The following PCDHA5 variants were observed in gnomAD, a reference collection of about 807,000 sequenced individuals.
The protein encoded by PCDHA5 is protocadherin alpha-5.
Under a neutral mutation model 61.6 loss-of-function variants are expected in PCDHA5, and 43 were observed. The observed-to-expected ratio is 0.70, with a 90% CI of 0.55 to 0.90. PCDHA5 has a LOEUF of 0.90. Among genes scored for constraint, PCDHA5 ranks in the 40% least tolerant of loss-of-function variants. PCDHA5 has a pLI of 0.00. For missense variants in PCDHA5, 1,298 were observed against 1,222.7 expected (o/e 1.06, Z -0.92); for synonymous variants, 627 against 543.9 (o/e 1.15, Z -2.13).
At chr5:140,884,310 GGGCGTC>G (rs1301213144) in intron 1 of PCDHA5, 7 of 1,613,674 alleles carry the variant, frequency 4.3e-6, no homozygotes, top group Non-Finnish European at 5.9e-6. Flanking sequence ...GCTTCGTCGA[GGGCGTC>G]GGCAGGCGCT....
At chr5:140,883,758 G>T in intron 1 of PCDHA5, 1 of 1,612,920 alleles carries the variant, frequency 6.2e-7, no homozygotes, top group Non-Finnish European at 8.5e-7. Flanking sequence ...CTGGTGGAGC[G>T]GCGGGTGGGC....
Position 140,918,319 on chromosome 5 carries a change from A to T in PCDHA5, c.2353-60630A>T, listed in dbSNP as rs568659309. Among the ~76,000 whole-genome samples, 8 of 152,266 alleles carry T rather than the reference A, an allele frequency of 5.3e-5. No individual in the cohort carries two copies. In the South Asian group the frequency reaches 1.7e-3, roughly 32 times the overall value. ...GAATATAGGGTTTTCTAGGTATAAAATTATATTGTCTGCTAAGAGAGATAG... is the reference window on the plus strand; with the variant it reads ...GAATATAGGGTTTTCTAGGTATAAATTTATATTGTCTGCTAAGAGAGATAG... On this transcript the variant is annotated intron_variant, in intron 1 of 3. Coordinates refer to ENST00000529859, the MANE Select transcript of PCDHA5 (RefSeq NM_018908.3).
chr5:140,829,961 G>A (rs1770713142), intron 1 of PCDHA5: 5 of 1,613,876 alleles, frequency 3.1e-6, no homozygotes, highest in African/African-American at 2.7e-5. Flanking sequence ...CCCGTTTCGC[G>A]TGGGGCTGTA....
chr5:140,938,293 C>T (rs896897734), intron 1 of PCDHA5, among the ~76,000 whole-genome samples: 2 of 152,110 alleles, frequency 1.3e-5, no homozygotes, highest in African/African-American at 4.8e-5. Flanking sequence ...CTGTCATTGC[C>T]TATGAAATTC....
At chr5:140,970,920 G>A (rs957123423) in intron 1 of PCDHA5, among the ~76,000 whole-genome samples, 2 of 152,266 alleles carry the variant, frequency 1.3e-5, no homozygotes, top group Non-Finnish European at 2.9e-5. Flanking sequence ...TTTATCAGAA[G>A]TGCCTGGTGT....
intron 1 of PCDHA5, chr5:140,927,082 C>G (rs141480000): frequency 6.2e-7 from 1 of 1,611,100 alleles, no homozygotes; most frequent in Non-Finnish European, 8.5e-7. Flanking sequence ...CCACCGCGAG[C>G]TCTACTTCGG....
intron 3 of PCDHA5, among the ~76,000 whole-genome samples, chr5:140,990,426 G>A (rs3756324): frequency 0.3 from 46,292 of 152,022 alleles, 7,253 homozygotes; most frequent in East Asian, 0.43. Flanking sequence ...AACCAGCATT[G>A]ACCCAATCTT....
chr5:140,850,762 A>T, intron 1 of PCDHA5: 1 of 1,598,020 alleles, frequency 6.3e-7, no homozygotes, highest in South Asian at 1.1e-5. Context: ...CAGAGGAGGC[A>T]GAGGGTGTGC....
chr5:140,875,809 C>T, intron 1 of PCDHA5: 1 of 1,614,146 alleles, frequency 6.2e-7, no homozygotes, highest in Non-Finnish European at 8.5e-7. Flanking sequence ...CGTGGACAGG[C>T]CGCTGCAGGT....
chr5:140,830,130 C>G, intron 1 of PCDHA5: 1 of 1,613,418 alleles, frequency 6.2e-7, no homozygotes, highest in Non-Finnish European at 8.5e-7. Flanking sequence ...AAGGCGTCAT[C>G]ACGGGCGTCG....
At chr5:140,857,353 G>A (rs1197611806) in intron 1 of PCDHA5, 1 of 1,598,220 alleles carries the variant, frequency 6.3e-7, no homozygotes, top group African/African-American at 1.3e-5. Flanking sequence ...CTCCGCTGTG[G>A]GCCACGGCCA....
intron 1 of PCDHA5, among the ~76,000 whole-genome samples, chr5:140,952,541 T>G (rs1554220493): frequency 6.6e-6 from 1 of 152,140 alleles, no homozygotes; most frequent in African/African-American, 2.4e-5. Flanking sequence ...CTGGACTTCT[T>G]TGTCCATTTC....
chr5:140,883,453 C>T (rs138388360), intron 1 of PCDHA5: 46 of 1,614,168 alleles, frequency 2.8e-5, no homozygotes, highest in Non-Finnish European at 3.9e-5. Context: ...ATGTCCCCTT[C>T]AAGCTGGTGT....
chr5:140,988,864 C>T (rs1017144453), intron 3 of PCDHA5: 2 of 152,190 alleles, frequency 1.3e-5, no homozygotes, highest in Non-Finnish European at 2.9e-5. Flanking sequence ...GTCTCATGTG[C>T]ACTCAGATGT....
At chr5:140,937,323 C>T (rs1350536354) in intron 1 of PCDHA5, among the ~76,000 whole-genome samples, 3 of 152,120 alleles carry the variant, frequency 2.0e-5, no homozygotes, top group African/African-American at 7.2e-5. Flanking sequence ...AGGCGTGAGC[C>T]ACCGCGCCCG....
At chr5:140,954,007 C>T (rs1277033706) in intron 1 of PCDHA5, among the ~76,000 whole-genome samples, 4 of 152,144 alleles carry the variant, frequency 2.6e-5, no homozygotes, top group Non-Finnish European at 4.4e-5. Flanking sequence ...CATCATTCAG[C>T]TCCCACACAT....
intron 1 of PCDHA5, chr5:140,835,448 G>C: frequency 1.9e-6 from 3 of 1,613,886 alleles, no homozygotes; most frequent in African/African-American, 1.3e-5. Flanking sequence ...TCACTTCCCT[G>C]TCTCTCCCTA....
chr5:140,877,015 G>A, intron 1 of PCDHA5: 1 of 1,612,474 alleles, frequency 6.2e-7, no homozygotes, highest in Non-Finnish European at 8.5e-7. Context: ...CGCGGAGAGC[G>A]GCAAGGTGTA....
At position 140,882,112 on chromosome 5, in the gene PCDHA5, C is replaced by A. The variant is rs1399071152; in HGVS notation, c.2352+57985C>A. On this transcript the variant is annotated intron_variant, in intron 1 of 3. Transcript: ENST00000529859. ...CTGAGAACGTTTCCGCGAAGAAAGC[C>A]GCCGTTTCTTTCTTCCTGCAGAAAA... 4 of 1,384,574 alleles carry A rather than the reference C, an allele frequency of 2.9e-6. No individual in the cohort carries two copies. The Admixed American group carries it at 7.3e-5, about 25-fold the overall frequency. 85.8% of individuals were successfully genotyped at this position (1,384,574 alleles called of 1,614,324 possible).
Sources: allele counts gnomAD v4.1 joint callset (sites outside exome capture counted in the v4.1 genomes callset), GRCh38; gene constraint gnomAD v4.1.1; transcripts MANE v1.5; gene names NCBI Gene and HGNC (gene_info 2026-07-23, HGNC 2026-07-21).